The following SDK2 variants were observed in gnomAD, a reference collection of about 807,000 sequenced individuals.
SDK2 encodes protein sidekick-2.
A neutral mutation model predicts 253.9 loss-of-function variants in SDK2; 105 were observed. The ratio of observed to expected loss-of-function variants is 0.41; its 90% CI spans 0.35 to 0.49. The LOEUF (loss-of-function observed/expected upper bound fraction) is 0.49, where lower values mean the gene tolerates loss of function less well. Ranked by LOEUF, SDK2 falls within the 20% of genes least tolerant of loss-of-function variation. SDK2 has a pLI of 0.06. For synonymous variants in SDK2, 1,249 were observed against 1,234.9 expected (o/e 1.01, Z -0.24); for missense variants, 2,608 against 3,003.0 (o/e 0.87, Z 3.07).
chr17:73,474,995 C>T (rs545115759), intron 2 of SDK2, among the ~76,000 whole-genome samples: 45 of 152,210 alleles, frequency 3.0e-4, no homozygotes, highest in Non-Finnish European at 5.1e-4. Context: ...TGTGGTCAAA[C>T]CCAGTGTCGG....
intron 1 of SDK2, among the ~76,000 whole-genome samples, chr17:73,583,900 A>C (rs2045569770): frequency 6.6e-6 from 1 of 152,188 alleles, no homozygotes; most frequent in Non-Finnish European, 1.5e-5. Context: ...AGTTTCCTCA[A>C]CTGTCAAATC....
intron 1 of SDK2, among the ~76,000 whole-genome samples, chr17:73,610,838 T>C (rs1265825612): frequency 3.9e-5 from 6 of 151,944 alleles, no homozygotes; most frequent in African/African-American, 1.5e-4. Context: ...GGTGTGCGTG[T>C]GCGTGTGTGT....
chr17:73,368,294 G>T, intron 37 of SDK2, 113 bp downstream of exon 37: 2 of 978,604 alleles, frequency 2.0e-6, no homozygotes, highest in Non-Finnish European at 2.8e-6. Flanking sequence ...CAGATCCTCA[G>T]GCGGATAAGG....
chr17:73,418,010 G>GTTTTTTTTTT (rs397689294), intron 16 of SDK2, among the ~76,000 whole-genome samples: 35 of 128,234 alleles, frequency 2.7e-4, no homozygotes, highest in Admixed American at 3.6e-4. Flanking sequence ...TCCTAGATGA[G>GTTTTTTTTTT]TTTTTTTTTT....
intron 44 of SDK2, among the ~76,000 whole-genome samples, chr17:73,345,716 CAG>C (rs1251742059): frequency 2.0e-5 from 3 of 152,014 alleles, no homozygotes; most frequent in African/African-American, 7.2e-5. Flanking sequence ...GGCTTGTTGT[CAG>C]GGGTGGGGGC....
intron 1 of SDK2, among the ~76,000 whole-genome samples, chr17:73,522,638 G>C (rs917893043): frequency 6.6e-6 from 1 of 152,210 alleles, no homozygotes; most frequent in African/African-American, 2.4e-5. Context: ...TATCCATCCA[G>C]GGAGGTCAGC....
chr17:73,559,598 G>GCCCCCCCC (rs10633523), intron 1 of SDK2, among the ~76,000 whole-genome samples: 24 of 122,184 alleles, frequency 2.0e-4, no homozygotes, highest in African/African-American at 6.5e-4. Context: ...CGCTCCCTGT[G>GCCCCCCCC]CCCCCCGCCC....
At chr17:73,487,998 A>G (rs1217965857) in intron 2 of SDK2, among the ~76,000 whole-genome samples, 1 of 151,338 alleles carries the variant, frequency 6.6e-6, no homozygotes, top group Non-Finnish European at 1.5e-5. Flanking sequence ...CCATCTGTAT[A>G]ACGGGCAAAG....
At chr17:73,380,172 T>C (rs57458446) in intron 34 of SDK2, among the ~76,000 whole-genome samples, 25,646 of 152,088 alleles carry the variant, frequency 0.17, 4,187 homozygotes, top group African/African-American at 0.43. Context: ...CTGGGTTCCC[T>C]GCCCCTGCTT....
rs35867741 is a variant in SDK2, at chr17:73,424,036, C to T, written c.1640G>A (p.Arg547His). The T allele has an allele frequency of 1.2e-5, 20 of 1,612,546 alleles. No homozygotes were observed. Among genetic ancestry groups the T allele is most frequent in the Admixed American group, 5.0e-5 (3 of 59,870 alleles). ...GTGCAGGGAGCCGTTTCTGTCCAGG[C>T]GGATACGAGGATGGCTCTCCGTGCC... ...TLGTESHPRIRLDRNGSLHIS... is the reference protein window; with the variant it reads ...TLGTESHPRIHLDRNGSLHIS... Residue 547 changes from arginine (R) to histidine (H), a missense_variant, in exon 13 of 45, where the codon CGC becomes CAC. By Grantham distance (29) the Arg-to-His change is conservative (BLOSUM62 0). This residue lies in a region of SDK2 where 1,505 missense variants were observed against 1,859.1 expected (regional missense o/e 0.81). Transcript: ENST00000392650.
intron 10 of SDK2, among the ~76,000 whole-genome samples, chr17:73,433,385 C>T (rs1188825910): frequency 3.3e-5 from 5 of 152,064 alleles, no homozygotes; most frequent in East Asian, 1.9e-4. Context: ...CAGGTTCAAG[C>T]GATTCTCCTA....
chr17:73,394,998 C>T (rs972010926), intron 25 of SDK2, among the ~76,000 whole-genome samples, 157 bp downstream of exon 25: 4 of 152,124 alleles, frequency 2.6e-5, no homozygotes, highest in Admixed American at 2.0e-4. Flanking sequence ...CTGGGAGAGG[C>T]GGCAACATCA....
rs549792653 is a variant in SDK2, at chr17:73,626,121, G to A, written c.64+17904C>T. On this transcript the variant is annotated intron_variant, in intron 1 of 44. Transcript: ENST00000392650. ...CTGCAAGCCCCAACCTCCAGGCAGC[G>A]GGAGCCTGGCAGGCTGGAAAACAAA... Among the ~76,000 whole-genome samples the A allele has an allele frequency of 1.1e-4, 16 of 152,366 alleles. No homozygotes were observed. The South Asian group carries it at 3.1e-3, about 30-fold the overall frequency.
intron 2 of SDK2, among the ~76,000 whole-genome samples, chr17:73,490,196 C>A (rs1392381221): frequency 1.3e-5 from 2 of 152,210 alleles, no homozygotes; most frequent in Non-Finnish European, 2.9e-5. Context: ...CAAGCTCCAC[C>A]TGTTTTTGGA....
At chr17:73,433,288 C>CTT (rs71157015) in intron 10 of SDK2, among the ~76,000 whole-genome samples, 2 of 147,590 alleles carry the variant, frequency 1.4e-5, no homozygotes, top group African/African-American at 2.5e-5. Context: ...GAAGGATGCT[C>CTT]TTTTTTTTTT....
At position 73,338,567 on chromosome 17, in the gene SDK2, T is replaced by C; in HGVS notation, c.*20A>G. ...AGGAGTTTGGTGCCATTTCTCTTTCTGCTTTTTCCTCTTCTGATGTCAAAC... is the reference window on the plus strand; with the variant it reads ...AGGAGTTTGGTGCCATTTCTCTTTCCGCTTTTTCCTCTTCTGATGTCAAAC... On this transcript the variant is annotated 3_prime_UTR_variant, in exon 45 of 45. Coordinates refer to ENST00000392650, the MANE Select transcript of SDK2 (RefSeq NM_001144952.2). This position sits in a 1 kb window ranked among gnomAD's most constrained non-coding sequence, Gnocchi z 5.0. The C allele has an allele frequency of 2.1e-6, 3 of 1,431,018 alleles. No homozygotes were observed. In the South Asian group the frequency reaches 4.1e-5, roughly 20 times the overall value. The allele number at this position is 1,431,018 out of a possible 1,614,324, so 88.6% of individuals were successfully genotyped here. A position where few individuals can be genotyped will look rare whatever the true frequency, so the allele number is the denominator to read the frequency against.
intron 44 of SDK2, among the ~76,000 whole-genome samples, chr17:73,343,347 G>A (rs764787320): frequency 4.6e-5 from 7 of 152,274 alleles, no homozygotes; most frequent in African/African-American, 9.6e-5. Flanking sequence ...CAAGGCAGGA[G>A]GGCTTTGCAT....
intron 1 of SDK2, chr17:73,517,107 T>G (rs944067481): frequency 3.3e-5 from 5 of 152,172 alleles, no homozygotes; most frequent in African/African-American, 1.2e-4. Context: ...CTCCTGTTTT[T>G]CTATAGCCCT....
chr17:73,634,408 T>C (rs1428539445), intron 1 of SDK2, among the ~76,000 whole-genome samples: 2 of 152,234 alleles, frequency 1.3e-5, no homozygotes, highest in East Asian at 3.9e-4. Context: ...ACAATGTTAA[T>C]AACATTAATA....
Sources: gnomAD v4.1 joint callset for allele counts (sites outside exome capture counted in the v4.1 genomes callset) on GRCh38, gnomAD v4.1.1 for gene constraint, gnomAD v4.1.1 regional missense constraint, Gnocchi (gnomAD v3.1) non-coding constraint, MANE v1.5 for transcripts, NCBI Gene and HGNC (gene_info 2026-07-23, HGNC 2026-07-21) for gene names.